The following UNC13C variants were observed in gnomAD, a reference collection of about 807,000 sequenced individuals.
UNC13C encodes the protein unc-13 homolog C, also known as protein unc-13 homolog C.
Under a neutral mutation model 245.4 loss-of-function variants are expected in UNC13C, and 174 were observed. The observed-to-expected ratio is 0.71, with a 90% CI of 0.63 to 0.80. The LOEUF (loss-of-function observed/expected upper bound fraction) is 0.80, where lower values mean the gene tolerates loss of function less well. Among genes scored for constraint, UNC13C ranks in the 30% least tolerant of loss-of-function variants. UNC13C has a pLI of 0.00. For missense variants in UNC13C, 2,829 were observed against 2,602.9 expected (o/e 1.09, Z -1.89); for synonymous variants, 992 against 895.1 (o/e 1.11, Z -1.93).
At position 54,172,762 on chromosome 15, in the gene UNC13C, C is replaced by G. The variant is rs561774868; in HGVS notation, c.3071+29078C>G. ...TATATATATATATATATATATATAT[C>G]TTTACTCTATAGGTCATTTTGGGTC... On this transcript the variant is annotated intron_variant, in intron 4 of 32. Transcript: ENST00000260323. Among the ~76,000 whole-genome samples, 96 of 77,982 alleles carry G rather than the reference C, an allele frequency of 1.2e-3. 2 individuals are homozygous for G. The highest frequency in any genetic ancestry group is 4.3e-3 in the South Asian group (9 of 2,088). 51.2% of individuals were successfully genotyped at this position (77,982 alleles called of 152,430 possible).
In UNC13C at chr15:54,050,982, A is replaced by C. The variant is rs139533623; in HGVS notation, c.2983+35096A>C. 702 of 487,166 alleles carry C rather than the reference A, an allele frequency of 1.4e-3. 8 individuals are homozygous for C. The highest frequency in any genetic ancestry group is 0.013 in the African/African-American group (672 of 50,696). The allele number at this position is 487,166 out of a possible 1,614,324, so 30.2% of individuals were successfully genotyped here. On this transcript the variant is annotated intron_variant, in intron 2 of 32. Coordinates refer to ENST00000260323, the MANE Select transcript of UNC13C (RefSeq NM_001080534.3). ...CATATAGCTGGTACCAGTTACCAAG[A>C]AGCCTCTCGATCTCCTGGTCACCAT...
At chr15:53,923,510 T>C in the UNC13C span, among the ~76,000 whole-genome samples, 5 of 152,220 alleles carry the variant, frequency 3.3e-5, no homozygotes, top group African/African-American at 7.2e-5. Flanking sequence ...CTTGATAACT[T>C]GAAGGATACT....
At position 54,145,943 on chromosome 15, in the gene UNC13C, G is replaced by T. The variant is rs1456659192; in HGVS notation, c.3071+2259G>T. Among the ~76,000 whole-genome samples, 5 of 152,098 alleles carry T rather than the reference G, an allele frequency of 3.3e-5. No homozygotes were observed. In the East Asian group the frequency reaches 9.6e-4, roughly 29 times the overall value. On this transcript the variant is annotated intron_variant, in intron 4 of 32. Coordinates refer to ENST00000260323, the MANE Select transcript of UNC13C (RefSeq NM_001080534.3). Reference sequence around the variant, plus strand: ...CATTTCGAATAGATCTTTCCACATTGTTACGTTTTCTGAAAATGCCTCTTT... The same window carrying T: ...CATTTCGAATAGATCTTTCCACATTTTTACGTTTTCTGAAAATGCCTCTTT...
At chr15:54,017,484 A>ATGTGTGTGTG (rs3985786) in intron 2 of UNC13C, among the ~76,000 whole-genome samples, 4 of 147,592 alleles carry the variant, frequency 2.7e-5, no homozygotes, top group African/African-American at 9.9e-5. Context: ...GTGCATGAGC[A>ATGTGTGTGTG]TGTGTGTGTG....
At chr15:54,072,788 T>C (rs771133122) in intron 2 of UNC13C, among the ~76,000 whole-genome samples, 12 of 152,308 alleles carry the variant, frequency 7.9e-5, no homozygotes, top group Non-Finnish European at 1.3e-4. Flanking sequence ...TACTTGTAGG[T>C]ATAATTATAT....
intron 2 of UNC13C, among the ~76,000 whole-genome samples, chr15:54,116,731 A>T (rs926838718): frequency 3.3e-5 from 5 of 152,182 alleles, no homozygotes; most frequent in African/African-American, 1.2e-4. Flanking sequence ...TAGTGCTGCG[A>T]TAAACATGAG....
the UNC13C span, among the ~76,000 whole-genome samples, chr15:53,971,371 C>T: frequency 1.3e-5 from 2 of 152,082 alleles, no homozygotes; most frequent in Non-Finnish European, 2.9e-5. Flanking sequence ...CAGGGAAGAG[C>T]TTCAAGACTT....
intron 17 of UNC13C, among the ~76,000 whole-genome samples, chr15:54,363,897 T>A: frequency 6.6e-6 from 1 of 152,194 alleles, no homozygotes; most frequent in East Asian, 1.9e-4. Flanking sequence ...TTATAGATAT[T>A]TGTTAAAAAG....
intron 2 of UNC13C, among the ~76,000 whole-genome samples, chr15:54,083,675 T>C (rs1172346452): frequency 2.6e-5 from 4 of 152,158 alleles, no homozygotes; most frequent in Non-Finnish European, 5.9e-5. Context: ...AAAAAGAGCT[T>C]TGATGGGCTG....
At chr15:54,363,297 C>G (rs1170062617) in intron 17 of UNC13C, among the ~76,000 whole-genome samples, 1 of 152,076 alleles carries the variant, frequency 6.6e-6, no homozygotes, top group Non-Finnish European at 1.5e-5. Context: ...TTATTAGACA[C>G]GGGGTTTTGC....
At chr15:53,977,578 A>C (rs1893750639), upstream of UNC13C, among the ~76,000 whole-genome samples, 1 of 152,196 alleles carries the variant, frequency 6.6e-6, no homozygotes, top group Non-Finnish European at 1.5e-5. Context: ...ATTTTAAGTA[A>C]GCAGTAGAGC....
At chr15:54,166,272 A>G (rs571879556) in intron 4 of UNC13C, among the ~76,000 whole-genome samples, 1 of 152,210 alleles carries the variant, frequency 6.6e-6, no homozygotes, top group African/African-American at 2.4e-5. Context: ...TAGAGCAAAC[A>G]TTCGTATATT....
At chr15:54,592,778 G>C (rs918293387) in intron 30 of UNC13C, among the ~76,000 whole-genome samples, 6 of 151,428 alleles carry the variant, frequency 4.0e-5, no homozygotes, top group African/African-American at 1.5e-4. Context: ...TTAGCATTTA[G>C]GCCATTTACA....
chr15:54,632,557 T>C (rs916515205), downstream of UNC13C: 1 of 152,194 alleles, frequency 6.6e-6, no homozygotes, highest in Non-Finnish European at 1.5e-5. Context: ...TAAATTACAA[T>C]TGAGTAATTA....
At chr15:54,188,326 A>G (rs1409688219) in intron 4 of UNC13C, among the ~76,000 whole-genome samples, 3 of 152,200 alleles carry the variant, frequency 2.0e-5, no homozygotes, top group Non-Finnish European at 4.4e-5. Flanking sequence ...ATAATTTTCT[A>G]GTTGTGATTA....
At chr15:54,001,277 C>T (rs374471188) in intron 1 of UNC13C, among the ~76,000 whole-genome samples, 2 of 152,104 alleles carry the variant, frequency 1.3e-5, no homozygotes, top group Non-Finnish European at 2.9e-5. Context: ...ACATGTCATA[C>T]AGTATAGTAA....
At chr15:53,991,396 C>T (rs1894380600) in intron 1 of UNC13C, among the ~76,000 whole-genome samples, 1 of 151,984 alleles carries the variant, frequency 6.6e-6, no homozygotes. Context: ...TAAAATAAAA[C>T]ATTGTTCTTT....
At chr15:53,931,416 T>G in the UNC13C span, among the ~76,000 whole-genome samples, 144,477 of 152,182 alleles carry the variant, frequency 0.95, 69,053 homozygotes, top group East Asian at 1. Flanking sequence ...TGATCCACTC[T>G]TCTCGACTTC....
At chr15:54,050,991 G>A (rs11071017) in intron 2 of UNC13C, 308,448 of 464,272 alleles carry the variant, frequency 0.66, 103,636 homozygotes, top group African/African-American at 0.77. Flanking sequence ...GAAGCCTCTC[G>A]ATCTCCTGGT....
Sources: gnomAD v4.1 joint callset for allele counts (sites outside exome capture counted in the v4.1 genomes callset) on GRCh38, gnomAD v4.1.1 for gene constraint, MANE v1.5 for transcripts, NCBI Gene and HGNC (gene_info 2026-07-23, HGNC 2026-07-21) for gene names.